The following RNF130 variants were observed in gnomAD, a reference collection of about 807,000 sequenced individuals.
The protein encoded by RNF130 is ring finger protein 130.
RNF130 carries 21 observed loss-of-function variants against 44.6 expected under a neutral mutation model. The observed-to-expected ratio is 0.47, with a 90% CI of 0.33 to 0.68. The LOEUF (loss-of-function observed/expected upper bound fraction) is 0.68. Ranked by LOEUF, RNF130 falls within the 30% of genes least tolerant of loss-of-function variation. RNF130 has a pLI of 0.02. For synonymous variants in RNF130, 214 were observed against 210.4 expected, an observed-to-expected ratio of 1.02 and a Z score of -0.15; for missense variants, 479 against 560.6, an observed-to-expected ratio of 0.85 and a Z score of 1.47.
At chr5:179,950,462 C>T (rs535632961), downstream of RNF130, among the ~76,000 whole-genome samples, 4 of 152,070 alleles carry the variant, frequency 2.6e-5, no homozygotes, top group African/African-American at 9.7e-5. Context: ...GTTTTAGGAA[C>T]AAAAATACAT....
intron 1 of RNF130, among the ~76,000 whole-genome samples, chr5:180,063,213 T>C (rs1765026286): frequency 6.6e-6 from 1 of 151,946 alleles, no homozygotes; most frequent in East Asian, 1.9e-4. Flanking sequence ...TGAAAGAAGT[T>C]AAGAAAAAAG....
At chr5:179,929,367 A>T (rs926161806) in intron 7 of RNF130, among the ~76,000 whole-genome samples, 1 of 152,208 alleles carries the variant, frequency 6.6e-6, no homozygotes, top group African/African-American at 2.4e-5. Context: ...CTTTGTCAAA[A>T]GTCTTGATTT....
chr5:180,061,410 G>A (rs990882240), intron 1 of RNF130, among the ~76,000 whole-genome samples: 15 of 152,214 alleles, frequency 9.9e-5, no homozygotes, highest in Non-Finnish European at 1.0e-4. Context: ...TTAGTTTCCA[G>A]TGGCGGCCGC....
intron 1 of RNF130, among the ~76,000 whole-genome samples, chr5:180,043,175 A>C (rs548651480): frequency 1.3e-5 from 2 of 152,140 alleles, no homozygotes; most frequent in Non-Finnish European, 2.9e-5. Context: ...AAACAAAAAA[A>C]TTAGCTAGGC....
chr5:179,972,466 A>C (rs1173939206), intron 5 of RNF130, among the ~76,000 whole-genome samples: 4 of 152,204 alleles, frequency 2.6e-5, no homozygotes, highest in Non-Finnish European at 5.9e-5. Context: ...TGGAAGACAT[A>C]TGATGCTGTG....
intron 3 of RNF130, among the ~76,000 whole-genome samples, chr5:180,010,145 G>A (rs1210929883): frequency 6.6e-6 from 1 of 151,010 alleles, no homozygotes; most frequent in Non-Finnish European, 1.5e-5. Flanking sequence ...TACTCCGGAG[G>A]CTGAGGCAGG....
intron 3 of RNF130, among the ~76,000 whole-genome samples, chr5:179,982,422 C>T (rs1003716578): frequency 6.6e-6 from 1 of 151,998 alleles, no homozygotes; most frequent in African/African-American, 2.4e-5. Flanking sequence ...GAAAGATGGG[C>T]TCACCTGATA....
At chr5:179,927,497 T>C (rs1268656344) in intron 7 of RNF130, among the ~76,000 whole-genome samples, 1 of 151,212 alleles carries the variant, frequency 6.6e-6, no homozygotes, top group Non-Finnish European at 1.5e-5. Flanking sequence ...GCCCTACAAG[T>C]CCCTCCAGTG....
intron 8 of RNF130, among the ~76,000 whole-genome samples, chr5:179,956,851 C>T (rs1762224161): frequency 6.6e-6 from 1 of 152,252 alleles, no homozygotes; most frequent in Non-Finnish European, 1.5e-5. Flanking sequence ...ACCTTCAGCA[C>T]TGCGAGCCCC....
intron 1 of RNF130, among the ~76,000 whole-genome samples, chr5:180,065,676 C>A (rs1318447119): frequency 1.3e-5 from 2 of 151,744 alleles, no homozygotes; most frequent in Non-Finnish European, 2.9e-5. Flanking sequence ...AGGAGAATTG[C>A]TTGAACCCAG....
At chr5:179,984,276 C>G (rs546778083) in intron 3 of RNF130, among the ~76,000 whole-genome samples, 2 of 151,968 alleles carry the variant, frequency 1.3e-5, no homozygotes, top group African/African-American at 4.8e-5. Context: ...ACGTCTTTTC[C>G]TTTTTACTTA....
chr5:179,961,117 A>G (rs1391292724), intron 8 of RNF130, among the ~76,000 whole-genome samples: 1 of 152,032 alleles, frequency 6.6e-6, no homozygotes, highest in East Asian at 1.9e-4. Context: ...CTGTTAAAAA[A>G]AAAAAACACA....
intron 3 of RNF130, among the ~76,000 whole-genome samples, chr5:179,992,883 A>G (rs1763118468): frequency 1.3e-5 from 2 of 152,062 alleles, no homozygotes; most frequent in South Asian, 4.2e-4. Flanking sequence ...CTTCCCCCCA[A>G]CCCATGACAG....
At chr5:179,997,066 T>C (rs1350075817) in intron 3 of RNF130, among the ~76,000 whole-genome samples, 1 of 152,210 alleles carries the variant, frequency 6.6e-6, no homozygotes, top group East Asian at 1.9e-4. Flanking sequence ...TGGGAAAATT[T>C]ACTAGTGGTT....
At chr5:180,018,244 G>A (rs997719810) in intron 2 of RNF130, among the ~76,000 whole-genome samples, 1 of 150,608 alleles carries the variant, frequency 6.6e-6, no homozygotes, top group East Asian at 1.9e-4. Flanking sequence ...TCAGTGAGCC[G>A]AGACTGTGCC....
intron 1 of RNF130, among the ~76,000 whole-genome samples, chr5:180,067,697 T>C (rs1342408082): frequency 2.6e-5 from 4 of 152,210 alleles, no homozygotes; most frequent in African/African-American, 7.2e-5. Flanking sequence ...ATTTGATTTT[T>C]AGAGCCTCCA....
chr5:180,053,954 C>G (rs1384002159), intron 1 of RNF130, among the ~76,000 whole-genome samples: 2 of 151,736 alleles, frequency 1.3e-5, no homozygotes, highest in Admixed American at 6.6e-5. Flanking sequence ...TTTAGCCTCC[C>G]GAGTAGCTGG....
intron 1 of RNF130, among the ~76,000 whole-genome samples, chr5:180,057,236 C>T (rs997258378): frequency 3.9e-5 from 6 of 152,180 alleles, no homozygotes; most frequent in Admixed American, 6.5e-5. Flanking sequence ...AATCCAATGG[C>T]CAATGACTTA....
At chr5:179,925,509 A>C (rs950831083) in intron 7 of RNF130, among the ~76,000 whole-genome samples, 2 of 150,380 alleles carry the variant, frequency 1.3e-5, no homozygotes, top group Non-Finnish European at 3.0e-5. Context: ...CTGTTTTTTC[A>C]TTTATTTATT....
Sources: gnomAD v4.1 joint callset for allele counts (sites outside exome capture counted in the v4.1 genomes callset) on GRCh38, gnomAD v4.1.1 for gene constraint, MANE v1.5 for transcripts, NCBI Gene and HGNC (gene_info 2026-07-23, HGNC 2026-07-21) for gene names.